Variants in SORCS2 observed in about 807,000 individuals in gnomAD.
SORCS2 encodes the protein sortilin related VPS10 domain containing receptor 2, also known as VPS10 domain-containing receptor SorCS2.
Under a neutral mutation model 141.6 loss-of-function variants are expected in SORCS2, and 100 were observed. That is an observed-to-expected ratio of 0.71 (90% CI 0.60 to 0.83). The LOEUF (loss-of-function observed/expected upper bound fraction) is 0.83, where lower values mean the gene tolerates loss of function less well. Among genes scored for constraint, SORCS2 ranks in the 40% least tolerant of loss-of-function variants. SORCS2 has a pLI of 0.00. For synonymous variants in SORCS2, 789 were observed against 676.9 expected, an observed-to-expected ratio of 1.17 and a Z score of -2.57; for missense variants, 1,646 against 1,560.2, an observed-to-expected ratio of 1.05 and a Z score of -0.93.
intron 2 of SORCS2, among the ~76,000 whole-genome samples, chr4:7,493,321 T>A (rs969803197): frequency 1.3e-5 from 2 of 151,968 alleles, no homozygotes; most frequent in Non-Finnish European, 2.9e-5. Context: ...AGAGAGGAGA[T>A]GGGTTGGCGA....
Position 7,648,765 on chromosome 4 carries a change from C to T in SORCS2, c.814-5369C>T, listed in dbSNP as rs886495325. Among the ~76,000 whole-genome samples, 1 of 151,930 alleles carries T rather than the reference C, an allele frequency of 6.6e-6. No homozygotes were observed. The highest frequency in any genetic ancestry group is 1.5e-5 in the Non-Finnish European group (1 of 67,972). ...TAGAAACCAGGGACAGGCACCAGGG[C>T]GGCCCCGGGGAGCAATGGGAGTGGA... On this transcript the variant is annotated intron_variant, in intron 4 of 26. Transcript: ENST00000507866. This position sits in a 1 kb window ranked among gnomAD's most constrained non-coding sequence, Gnocchi z 4.2.
At chr4:7,424,358 G>A (rs1270178897) in intron 2 of SORCS2, among the ~76,000 whole-genome samples, 1 of 152,244 alleles carries the variant, frequency 6.6e-6, no homozygotes, top group Non-Finnish European at 1.5e-5. Context: ...TCTGTCTCCA[G>A]CCTGGGCTCT....
At chr4:7,206,108 C>T (rs984674071) in intron 1 of SORCS2, among the ~76,000 whole-genome samples, 12 of 152,120 alleles carry the variant, frequency 7.9e-5, no homozygotes, top group South Asian at 2.1e-4. Context: ...AGGTAGGACT[C>T]GGCTGGAGGG....
At chr4:7,566,334 TGTGATGATGAG>T (rs1025722787) in intron 3 of SORCS2, among the ~76,000 whole-genome samples, 5 of 151,842 alleles carry the variant, frequency 3.3e-5, no homozygotes, top group African/African-American at 2.4e-5. Context: ...ATGGTGATGA[TGTGATGATGAG>T]GTGATGATGA....
In SORCS2 at chr4:7,326,341, C is replaced by T. The variant is rs777394757; in HGVS notation, c.481-69947C>T. 1.1e-4 allele frequency among the ~76,000 whole-genome samples: 17 copies of T among 152,102 alleles called. 1 individual carries two copies. The highest frequency in any genetic ancestry group is 6.5e-5 in the Admixed American group (1 of 15,280). The stretch of plus-strand genomic sequence containing the variant: ...GACCCTGGCATCGGGTGGCTGCTTG[C>T]TTCTGTCTCCTCGTCTGTAAAGTGG... On this transcript the variant is annotated intron_variant, in intron 1 of 26. Transcript: ENST00000507866.
chr4:7,593,080 A>G (rs943697204), intron 3 of SORCS2, among the ~76,000 whole-genome samples: 4 of 152,218 alleles, frequency 2.6e-5, no homozygotes, highest in Non-Finnish European at 4.4e-5. Context: ...GGTCTCACAT[A>G]TGGTGGCAGT....
At chr4:7,710,624 A>G (rs1226987621) in intron 14 of SORCS2, among the ~76,000 whole-genome samples, 1 of 152,172 alleles carries the variant, frequency 6.6e-6, no homozygotes, top group Non-Finnish European at 1.5e-5. Context: ...GGGCTCTCCA[A>G]TGTTGAGGCC....
intron 3 of SORCS2, among the ~76,000 whole-genome samples, chr4:7,535,572 C>T (rs1234670397): frequency 2.0e-5 from 3 of 152,244 alleles, no homozygotes; most frequent in Non-Finnish European, 4.4e-5. Context: ...TAATGAGGTG[C>T]TCCTTGTCAA....
rs1577137181 is a variant in SORCS2 at position 7,734,335 on chromosome 4, T to C, written c.3272T>C (p.Leu1091Pro). 6 of 1,594,502 alleles carry C rather than the reference T, an allele frequency of 3.8e-6. No individual in the cohort carries two copies. Among genetic ancestry groups the C allele is most frequent in the Non-Finnish European group, 5.1e-6 (6 of 1,171,004 alleles). ...GTAGTGGTGCTGTTTGTCATCGGGC[T>C]CTTCGCAGCGGGAGCCTTCATCCTC... ...WAVVVLFVIG[L>P]FAAGAFILYK... is the part of the protein sequence containing the mutation. The change falls in exon 25 of 27, where the codon CTC becomes CCC. Residue 1091 changes from leucine to proline, a missense_variant. Coordinates refer to ENST00000507866, the MANE Select transcript of SORCS2 (RefSeq NM_020777.3).
chr4:7,320,840 G>T (rs760447354), intron 1 of SORCS2, among the ~76,000 whole-genome samples: 1 of 152,082 alleles, frequency 6.6e-6, no homozygotes, highest in Non-Finnish European at 1.5e-5. Context: ...TAAAGAAGGT[G>T]ATGGGACCCA....
chr4:7,338,089 CTGGATGGATGTTGGATGGATGTTGGA>C lies in SORCS2; in HGVS notation c.481-58188_481-58163del, dbSNP rs1164500487. Among the ~76,000 whole-genome samples the C allele has an allele frequency of 6.4e-5, 8 of 124,332 alleles. No individual in the cohort carries two copies. In the East Asian group the frequency reaches 2.0e-3, roughly 31 times the overall value. The allele number at this position is 124,332 out of a possible 152,430, so 81.6% of individuals were successfully genotyped here. ...CACCTAGAAGATGTTGGCTGGCTGGCTGGATGGATGTTGGATGGATGTTGGATGGATGGATGGATGGATGGATGTTG... is the reference window on the plus strand; with the variant it reads ...CACCTAGAAGATGTTGGCTGGCTGGCTGGATGGATGGATGGATGGATGTTG... On this transcript the variant is annotated intron_variant, in intron 1 of 26. Transcript: ENST00000507866.
intron 2 of SORCS2, among the ~76,000 whole-genome samples, chr4:7,451,213 T>C (rs2109293116): frequency 6.6e-6 from 1 of 151,834 alleles, no homozygotes; most frequent in Non-Finnish European, 1.5e-5. Flanking sequence ...AGTGAGTGAG[T>C]GAATGAATGA....
At chr4:7,369,380 T>C (rs934789721) in intron 1 of SORCS2, among the ~76,000 whole-genome samples, 14 of 152,210 alleles carry the variant, frequency 9.2e-5, no homozygotes, top group Non-Finnish European at 1.6e-4. Flanking sequence ...GGTATGTCTT[T>C]ATCAGCAGCA....
chr4:7,492,252 C>A (rs769840335), intron 2 of SORCS2, among the ~76,000 whole-genome samples: 2 of 152,234 alleles, frequency 1.3e-5, no homozygotes, highest in Non-Finnish European at 2.9e-5. Flanking sequence ...GCCCAGCCCC[C>A]GGTAACTACC....
intron 2 of SORCS2, among the ~76,000 whole-genome samples, chr4:7,503,289 A>G (rs1226725591): frequency 5.9e-5 from 9 of 152,220 alleles, no homozygotes; most frequent in Non-Finnish European, 1.3e-4. Flanking sequence ...GCCTAGTTAA[A>G]GAAAGTGGTG....
In SORCS2 at chr4:7,260,592, T is replaced by C. The variant is rs190447286; in HGVS notation, c.480+67466T>C. ...CTACCCCAAATGATCATGGGCTGTGTTGGAGGTGACATGCCAAATATGGGA... is the reference window on the plus strand; with the variant it reads ...CTACCCCAAATGATCATGGGCTGTGCTGGAGGTGACATGCCAAATATGGGA... On this transcript the variant is annotated intron_variant, in intron 1 of 26. Coordinates refer to ENST00000507866, the MANE Select transcript of SORCS2 (RefSeq NM_020777.3). 1.9e-3 allele frequency among the ~76,000 whole-genome samples: 283 copies of C among 152,268 alleles called. 1 individual carries two copies. Among genetic ancestry groups the C allele is most frequent in the African/African-American group, 6.6e-3 (276 of 41,546 alleles).
intron 5 of SORCS2, among the ~76,000 whole-genome samples, chr4:7,658,223 G>A (rs1721929867): frequency 6.7e-6 from 1 of 150,124 alleles, no homozygotes; most frequent in Non-Finnish European, 1.5e-5. Context: ...CTGTGACTGA[G>A]TAAGTGAATG....
In SORCS2 at chr4:7,741,490, GC is replaced by G; in HGVS notation, c.*1230del. 2.8e-6 allele frequency: 1 copy of G among 358,344 alleles called. No homozygotes were observed. The highest frequency in any genetic ancestry group is 4.2e-5 in the East Asian group (1 of 23,928). The allele number at this position is 358,344 out of a possible 1,614,324, so 22.2% of individuals were successfully genotyped here. A position where few individuals can be genotyped will look rare whatever the true frequency, so the allele number is the denominator to read the frequency against. On this transcript the variant is annotated 3_prime_UTR_variant, in exon 27 of 27. Coordinates refer to ENST00000507866, the MANE Select transcript of SORCS2 (RefSeq NM_020777.3). ...TTTGCCTTGAAATGGGAAGTCAGTAGCCCCTTCCTCCTCCTCCCTCCTCCCC... is the reference window on the plus strand; with the variant it reads ...TTTGCCTTGAAATGGGAAGTCAGTAGCCCTTCCTCCTCCTCCCTCCTCCCC...
intron 1 of SORCS2, among the ~76,000 whole-genome samples, chr4:7,331,255 A>G (rs1333387582): frequency 6.6e-6 from 1 of 151,786 alleles, no homozygotes; most frequent in Non-Finnish European, 1.5e-5. Flanking sequence ...ACCTCACGTG[A>G]CCTGGGCCTG....
Sources: gnomAD v4.1 joint callset for allele counts (sites outside exome capture counted in the v4.1 genomes callset) on GRCh38, gnomAD v4.1.1 for gene constraint, Gnocchi (gnomAD v3.1) non-coding constraint, MANE v1.5 for transcripts, NCBI Gene and HGNC (gene_info 2026-07-23, HGNC 2026-07-21) for gene names.